ATXN1: variants seen among roughly 807,000 people sequenced by gnomAD.
ATXN1 encodes the protein ataxin-1.
A neutral mutation model predicts 56.4 loss-of-function variants in ATXN1; 8 were observed. That is an observed-to-expected ratio of 0.14 (90% CI 0.08 to 0.26). The LOEUF is 0.26. Among genes scored for constraint, ATXN1 ranks in the 10% least tolerant of loss-of-function variants. ATXN1 has a pLI of 1.00. For missense variants in ATXN1, 987 were observed against 1,106.5 expected, an observed-to-expected ratio of 0.89 and a Z score of 1.53; for synonymous variants, 514 against 494.6, an observed-to-expected ratio of 1.04 and a Z score of -0.52.
chr6:16,427,975 T>G (rs1759192646), intron 6 of ATXN1, among the ~76,000 whole-genome samples: 1 of 152,182 alleles, frequency 6.6e-6, no homozygotes. Context: ...ATTATTGAGC[T>G]GATTCAAAGG....
chr6:16,594,756 C>G (rs978719121), intron 3 of ATXN1, among the ~76,000 whole-genome samples: 1 of 152,192 alleles, frequency 6.6e-6, no homozygotes, highest in Non-Finnish European at 1.5e-5. Flanking sequence ...GCTGGGATTA[C>G]AGGCGTGAGC....
intron 5 of ATXN1, 38 bp downstream of exon 5, chr6:16,522,589 T>C (rs765118680): frequency 1.7e-4 from 26 of 152,188 alleles, no homozygotes; most frequent in Non-Finnish European, 2.9e-4. Context: ...TATTTTGATG[T>C]GGGTAAAAAT....
At chr6:16,607,718 A>G (rs985538528) in intron 3 of ATXN1, among the ~76,000 whole-genome samples, 1 of 152,246 alleles carries the variant, frequency 6.6e-6, no homozygotes, top group Non-Finnish European at 1.5e-5. Flanking sequence ...TGGGTCAAGC[A>G]TATCCCCAAA....
intron 2 of ATXN1, among the ~76,000 whole-genome samples, chr6:16,691,368 A>G (rs1243111619): frequency 1.3e-5 from 2 of 152,270 alleles, no homozygotes; most frequent in East Asian, 1.9e-4. Context: ...TGAAGAAGAA[A>G]TATGCATAGT....
chr6:16,480,340 AT>A (rs1760412912), intron 6 of ATXN1, among the ~76,000 whole-genome samples: 2 of 152,200 alleles, frequency 1.3e-5, no homozygotes, highest in South Asian at 4.1e-4. Flanking sequence ...ATAAAATACT[AT>A]TCCTAGTCTC....
chr6:16,568,673 T>C (rs981675840), intron 4 of ATXN1, among the ~76,000 whole-genome samples: 30 of 149,172 alleles, frequency 2.0e-4, no homozygotes, highest in African/African-American at 7.0e-4. Context: ...GTTTTTTTTT[T>C]CTGGCATCTG....
chr6:16,418,974 C>T (rs906008190), intron 6 of ATXN1, among the ~76,000 whole-genome samples: 15 of 152,046 alleles, frequency 9.9e-5, no homozygotes, highest in African/African-American at 3.6e-4. Context: ...CCCTGGTTAT[C>T]CTTCATTGAA....
intron 6 of ATXN1, among the ~76,000 whole-genome samples, chr6:16,444,368 T>C (rs1415511772): frequency 1.3e-5 from 2 of 152,266 alleles, no homozygotes; most frequent in South Asian, 2.1e-4. Context: ...AGTGTTATAC[T>C]AGAAAGCAAG....
chr6:16,378,993 G>C (rs778789988), intron 6 of ATXN1, among the ~76,000 whole-genome samples: 7 of 152,174 alleles, frequency 4.6e-5, no homozygotes, highest in Non-Finnish European at 8.8e-5. Context: ...ATTCACAATT[G>C]CAAAATCATG....
intron 3 of ATXN1, among the ~76,000 whole-genome samples, chr6:16,649,167 C>T (rs1376927523): frequency 1.3e-5 from 2 of 151,946 alleles, no homozygotes; most frequent in African/African-American, 4.8e-5. Flanking sequence ...CCTATTCCTT[C>T]CTTTGGAAAG....
intron 2 of ATXN1, among the ~76,000 whole-genome samples, chr6:16,750,687 T>C (rs1760683921): frequency 6.6e-6 from 1 of 152,224 alleles, no homozygotes; most frequent in Non-Finnish European, 1.5e-5. Context: ...AACCTAGGTC[T>C]CTTCTCAATA....
intron 2 of ATXN1, among the ~76,000 whole-genome samples, chr6:16,703,668 T>C (rs927612484): frequency 3.9e-5 from 6 of 152,204 alleles, no homozygotes; most frequent in Non-Finnish European, 8.8e-5. Context: ...ACTGTGCCTA[T>C]AATAAATAGT....
At chr6:16,464,018 T>A (rs955454932) in intron 6 of ATXN1, among the ~76,000 whole-genome samples, 4 of 152,296 alleles carry the variant, frequency 2.6e-5, no homozygotes, top group Non-Finnish European at 5.9e-5. Flanking sequence ...GCAGGGCCCC[T>A]TCTTCACCCC....
At chr6:16,592,353 T>G (rs932998304) in intron 3 of ATXN1, among the ~76,000 whole-genome samples, 6 of 152,186 alleles carry the variant, frequency 3.9e-5, no homozygotes, top group Admixed American at 1.3e-4. Context: ...ATCGAACCTT[T>G]GAAAAGGTGA....
intron 4 of ATXN1, among the ~76,000 whole-genome samples, chr6:16,558,319 G>GA (rs1285249377): frequency 1.6e-4 from 19 of 119,396 alleles, no homozygotes; most frequent in Non-Finnish European, 2.0e-4. Context: ...AAAAAAAAAA[G>GA]AAAAAAAAAA....
rs369686559 is a variant in ATXN1 at position 16,395,195 on chromosome 6, G to A, written c.-160-66725C>T. ...TGAGGCAGGAGAATCACTTGAACCC[G>A]GGAGGTGGAGGTTGCGGTGAGCCAA... On this transcript the variant is annotated intron_variant, in intron 6 of 7. Transcript: ENST00000436367. Among the ~76,000 whole-genome samples, 10 of 149,590 alleles carry A rather than the reference G, an allele frequency of 6.7e-5. No individual in the cohort carries two copies. In the East Asian group the frequency reaches 1.6e-3, roughly 23 times the overall value.
At chr6:16,620,924 TA>T (rs34720078) in intron 3 of ATXN1, among the ~76,000 whole-genome samples, 182 of 152,326 alleles carry the variant, frequency 1.2e-3, no homozygotes, top group African/African-American at 4.2e-3. Flanking sequence ...GAGGTCCTAC[TA>T]AAAAGGGTGA....
chr6:16,650,703 ATC>A (rs1763877453), intron 3 of ATXN1, among the ~76,000 whole-genome samples: 1 of 152,140 alleles, frequency 6.6e-6, no homozygotes, highest in African/African-American at 2.4e-5. Context: ...TCTTGTACCA[ATC>A]TCTGGGTTTC....
At chr6:16,443,924 G>A (rs2282838) in intron 6 of ATXN1, among the ~76,000 whole-genome samples, 33,939 of 152,002 alleles carry the variant, frequency 0.22, 4,780 homozygotes, top group Middle Eastern at 0.35. Flanking sequence ...AGACCATCCT[G>A]GCTAACACAG....
Sources: gnomAD v4.1 joint callset for allele counts (sites outside exome capture counted in the v4.1 genomes callset) on GRCh38, gnomAD v4.1.1 for gene constraint, MANE v1.5 for transcripts, NCBI Gene and HGNC (gene_info 2026-07-23, HGNC 2026-07-21) for gene names.